TNRC6C: variants seen among roughly 807,000 people sequenced by gnomAD.
TNRC6C encodes the protein trinucleotide repeat-containing gene 6C protein.
Under a neutral mutation model 153.7 loss-of-function variants are expected in TNRC6C, and 20 were observed. That is an observed-to-expected ratio of 0.13 (90% CI 0.09 to 0.19). TNRC6C has a LOEUF of 0.19. TNRC6C is among the 10% of genes least tolerant of loss of function. The pLI is 1.00. For synonymous variants in TNRC6C, 811 were observed against 841.4 expected, an observed-to-expected ratio of 0.96 and a Z score of 0.63; for missense variants, 1,987 against 2,172.0, an observed-to-expected ratio of 0.91 and a Z score of 1.69.
chr17:78,032,857 G>A (rs2072103008), intron 2 of TNRC6C, among the ~76,000 whole-genome samples: 1 of 152,188 alleles, frequency 6.6e-6, no homozygotes, highest in Non-Finnish European at 1.5e-5. Context: ...ACTTTACCAA[G>A]TCTCTTCAAA....
chr17:77,976,341 T>C (rs2070997312), intron 1 of TNRC6C, among the ~76,000 whole-genome samples: 1 of 152,246 alleles, frequency 6.6e-6, no homozygotes, highest in Non-Finnish European at 1.5e-5. Context: ...TGAAAACATC[T>C]ACAAATGCTA....
At chr17:78,060,029 G>A (rs928333158) in intron 3 of TNRC6C, among the ~76,000 whole-genome samples, 24 of 152,072 alleles carry the variant, frequency 1.6e-4, no homozygotes, top group African/African-American at 5.8e-4. Context: ...CTGTTCTAAG[G>A]GAAGTTACTG....
chr17:78,010,899 G>C (rs145674905), intron 1 of TNRC6C, among the ~76,000 whole-genome samples: 1 of 152,228 alleles, frequency 6.6e-6, no homozygotes, highest in African/African-American at 2.4e-5. Context: ...GTACATGAAC[G>C]TATAAGTTCT....
chr17:78,058,602 AC>A (rs2072704796), intron 3 of TNRC6C, among the ~76,000 whole-genome samples: 1 of 152,254 alleles, frequency 6.6e-6, no homozygotes, highest in Admixed American at 6.5e-5. Context: ...GTGACATCTT[AC>A]TGTGTCTTCC....
At chr17:78,088,191 A>C (rs1480554611) in intron 13 of TNRC6C, among the ~76,000 whole-genome samples, 1 of 152,186 alleles carries the variant, frequency 6.6e-6, no homozygotes, top group South Asian at 2.1e-4. Context: ...AATGTGGTAT[A>C]TCTTTAATAT....
chr17:77,994,387 G>A (rs1212906776), intron 1 of TNRC6C, among the ~76,000 whole-genome samples: 8 of 152,054 alleles, frequency 5.3e-5, no homozygotes, highest in African/African-American at 7.3e-5. Context: ...GATTGTCATC[G>A]GACTTTCTGC....
At chr17:78,033,367 CCTT>C (rs2072111424) in intron 2 of TNRC6C, among the ~76,000 whole-genome samples, 1 of 152,070 alleles carries the variant, frequency 6.6e-6, no homozygotes, top group South Asian at 2.1e-4. Flanking sequence ...AGTTCATAGT[CCTT>C]CTAAAATATA....
At chr17:78,006,832 T>TTTA (rs1555629355) in intron 1 of TNRC6C, among the ~76,000 whole-genome samples, 1,786 of 142,374 alleles carry the variant, frequency 0.013, 40 homozygotes, top group African/African-American at 0.043. Flanking sequence ...TTATTTATTT[T>TTTA]TTTTTTTTTT....
chr17:78,067,477 C>T (rs1484054685), intron 4 of TNRC6C, among the ~76,000 whole-genome samples: 2 of 152,178 alleles, frequency 1.3e-5, no homozygotes, highest in Non-Finnish European at 2.9e-5. Flanking sequence ...TTGTTCTTAG[C>T]ATGTTTATGT....
chr17:78,054,109 T>A (rs917329004), intron 3 of TNRC6C, among the ~76,000 whole-genome samples: 1 of 152,170 alleles, frequency 6.6e-6, no homozygotes, highest in Non-Finnish European at 1.5e-5. Context: ...CTGTAGGCAG[T>A]TGTAGGACGA....
At chr17:77,999,521 G>A (rs946098272), upstream of TNRC6C, among the ~76,000 whole-genome samples, 3 of 152,222 alleles carry the variant, frequency 2.0e-5, no homozygotes, top group African/African-American at 7.2e-5. Context: ...GAGAGAGGCT[G>A]TAGCTGGCAT....
intron 2 of TNRC6C, among the ~76,000 whole-genome samples, chr17:78,046,185 CTTT>C (rs567181283): frequency 1.4e-5 from 2 of 141,668 alleles, no homozygotes; most frequent in East Asian, 2.0e-4. Context: ...TTTTAGGATT[CTTT>C]TTTTTTTTTT....
chr17:78,056,302 C>T (rs750441111), intron 3 of TNRC6C, among the ~76,000 whole-genome samples: 14 of 151,428 alleles, frequency 9.2e-5, no homozygotes, highest in African/African-American at 2.4e-4. Context: ...GGATTACAGG[C>T]GATCACCACC....
rs1022821485 is a variant in TNRC6C, at chr17:78,104,463, G to A, written c.4713-22G>A. ...CAGGACTTGGGGTGGCCCTGTTCAC[G>A]TGCCCCATCTTGCTGTTGCAGGTGC... On this transcript the variant is annotated intron_variant, in intron 19 of 19. Transcript: ENST00000301624. This position sits in a 1 kb window ranked among gnomAD's most constrained non-coding sequence, Gnocchi z 6.2. 68 of 1,473,712 alleles carry A rather than the reference G, an allele frequency of 4.6e-5. No individual in the cohort carries two copies. The highest frequency in any genetic ancestry group is 7.3e-5 in the African/African-American group (5 of 68,838). 91.3% of individuals were successfully genotyped at this position (1,473,712 alleles called of 1,614,324 possible).
In TNRC6C at chr17:78,075,338, A is replaced by G; in HGVS notation, c.3060+60A>G. ...TTAACAAGAGGAGTTTTTCATTTCA[A>G]CTGTGTCCTTAATACAAGCCAGATT... On this transcript the variant is annotated intron_variant, in intron 8 of 19. Transcript: ENST00000301624. The surrounding 1 kb of genome is among the most constrained non-coding windows in gnomAD (Gnocchi z 4.2). The G allele has an allele frequency of 6.5e-7, 1 of 1,534,294 alleles. No homozygotes were observed. The highest frequency in any genetic ancestry group is 1.2e-5 in the South Asian group (1 of 83,256).
At chr17:78,069,660 T>C (rs1168096145) in intron 5 of TNRC6C, among the ~76,000 whole-genome samples, 2 of 152,184 alleles carry the variant, frequency 1.3e-5, no homozygotes, top group African/African-American at 4.8e-5. Context: ...TATGTGTACA[T>C]TGATGGAGTA....
chr17:78,064,370 C>T (rs1166694600), intron 3 of TNRC6C, among the ~76,000 whole-genome samples: 3 of 152,138 alleles, frequency 2.0e-5, no homozygotes, highest in Non-Finnish European at 4.4e-5. Context: ...GAATTACAGG[C>T]ATGAGCCACC....
At chr17:78,067,508 G>A (rs2072905891) in intron 4 of TNRC6C, among the ~76,000 whole-genome samples, 1 of 152,162 alleles carries the variant, frequency 6.6e-6, no homozygotes, top group Non-Finnish European at 1.5e-5. Context: ...TGTGTAGTTG[G>A]TTAAGGAAGT....
In TNRC6C at chr17:78,092,706, C is replaced by T. The variant is rs147472090; in HGVS notation, c.3971-227C>T. On this transcript the variant is annotated intron_variant, in intron 14 of 19. Coordinates refer to ENST00000301624, the Ensembl canonical transcript of TNRC6C. ...CCCTGATCACATCACTACACTCCAG[C>T]CTGGGCCACAGAGTGAGAAGTTGTC... is the stretch of plus-strand genomic sequence containing the variant. 3.9e-5 allele frequency among the ~76,000 whole-genome samples: 6 copies of T among 152,122 alleles called. No individual in the cohort carries two copies. The East Asian group carries it at 9.6e-4, about 24-fold the overall frequency.
Sources: gnomAD v4.1 joint callset for allele counts (sites outside exome capture counted in the v4.1 genomes callset) on GRCh38, gnomAD v4.1.1 for gene constraint, Gnocchi (gnomAD v3.1) non-coding constraint, MANE v1.5 for transcripts, NCBI Gene and HGNC (gene_info 2026-07-23, HGNC 2026-07-21) for gene names.